The following MAPK8IP3 variants were observed in gnomAD, a reference collection of about 807,000 sequenced individuals.
MAPK8IP3 encodes the protein mitogen-activated protein kinase 8 interacting protein 3.
MAPK8IP3 carries 49 observed loss-of-function variants against 157.8 expected under a neutral mutation model. The ratio of observed to expected loss-of-function variants is 0.31; its 90% CI spans 0.25 to 0.39. MAPK8IP3 has a LOEUF of 0.39. Among genes scored for constraint, MAPK8IP3 ranks in the 10% least tolerant of loss-of-function variants. The pLI is 1.00. For missense variants in MAPK8IP3, 1,478 were observed against 1,889.4 expected (o/e 0.78, Z 4.04); for synonymous variants, 897 against 777.7 (o/e 1.15, Z -2.55).
At position 1,764,345 on chromosome 16, in the gene MAPK8IP3, T is replaced by C; in HGVS notation, c.2166T>C (p.Asn722=). 3.8e-6 allele frequency: 6 copies of C among 1,579,084 alleles called. No homozygotes were observed. The highest frequency in any genetic ancestry group is 5.2e-6 in the Non-Finnish European group (6 of 1,163,714). Residue 722 remains asparagine, a synonymous_variant, in exon 19 of 32, where the codon AAT becomes AAC. Coordinates refer to ENST00000610761, the MANE Select transcript of MAPK8IP3 (RefSeq NM_001318852.2). ...TCAACCTGAGCGGGTGGAGGCCCAA[T>C]GAGGACGACGCTGGGAATGGAGTCA... ...AGVNLSGWRP[N]EDDAGNGVKP...
chr16:1,745,084 G>A, intron 5 of MAPK8IP3: 1 of 985,454 alleles, frequency 1.0e-6, no homozygotes. Flanking sequence ...TGTTTAGGAG[G>A]TTGAGAGGTT....
chr16:1,766,658 GC>G lies in MAPK8IP3; in HGVS notation c.2939+13del. ...GAGCCCAGAACGGCTGGTAGGAAGG[GC>G]CCGGGGCAAGGTGGAGGGAGGGTCC... On this transcript the variant is annotated intron_variant, in intron 23 of 31. Coordinates refer to ENST00000610761, the MANE Select transcript of MAPK8IP3 (RefSeq NM_001318852.2). 6.2e-7 allele frequency: 1 copy of G among 1,612,436 alleles called. No individual in the cohort carries two copies. The highest frequency in any genetic ancestry group is 1.1e-5 in the South Asian group (1 of 91,070).
intron 4 of MAPK8IP3, among the ~76,000 whole-genome samples, chr16:1,739,188 G>C (rs1163255131): frequency 6.7e-5 from 8 of 119,238 alleles, no homozygotes; most frequent in South Asian, 3.2e-4. Flanking sequence ...GTGAGCATCC[G>C]TGTGACCGTC....
chr16:1,752,788 T>G (rs547962402), intron 8 of MAPK8IP3, among the ~76,000 whole-genome samples: 28 of 149,334 alleles, frequency 1.9e-4, no homozygotes, highest in Admixed American at 3.3e-4. Flanking sequence ...AAAGAAAAAG[T>G]CAGGCAGTCC....
At chr16:1,740,758 C>T (rs1254098528) in intron 4 of MAPK8IP3, among the ~76,000 whole-genome samples, 2 of 152,220 alleles carry the variant, frequency 1.3e-5, no homozygotes, top group African/African-American at 2.4e-5. Context: ...TGCTGGGGGA[C>T]GACCAGCAGG....
Position 1,729,593 on chromosome 16 carries a change from G to A in MAPK8IP3, c.602+15G>A, listed in dbSNP as rs1405734235. The A allele has an allele frequency of 1.9e-6, 3 of 1,579,752 alleles. No homozygotes were observed. The African/African-American group carries it at 4.0e-5, about 21-fold the overall frequency. ...CCGGGGCGGAGGTACGCGGGGCGCG[G>A]CGGGGTGGAGGTACGCGGGGCGCGG... On this transcript the variant is annotated intron_variant, in intron 4 of 31. Coordinates refer to ENST00000610761, the MANE Select transcript of MAPK8IP3 (RefSeq NM_001318852.2).
chr16:1,716,932 G>A (rs924131933), intron 1 of MAPK8IP3, among the ~76,000 whole-genome samples: 27 of 152,098 alleles, frequency 1.8e-4, no homozygotes, highest in East Asian at 9.7e-4. Flanking sequence ...GGTGGTGGGC[G>A]CCTGTGATCC....
chr16:1,725,092 T>TG (rs1208858896), intron 2 of MAPK8IP3, among the ~76,000 whole-genome samples: 1 of 151,796 alleles, frequency 6.6e-6, no homozygotes, highest in Non-Finnish European at 1.5e-5. Flanking sequence ...AGCGCCTAGG[T>TG]GGGGGGCACA....
intron 4 of MAPK8IP3, among the ~76,000 whole-genome samples, chr16:1,738,767 CCGTGTGAG>C (rs1237513884): frequency 2.6e-5 from 3 of 113,356 alleles, no homozygotes; most frequent in Non-Finnish European, 5.2e-5. Flanking sequence ...GTGTGAGCGT[CCGTGTGAG>C]CGTGTGAGCG....
At chr16:1,748,877 C>T (rs771294864) in intron 8 of MAPK8IP3, 157 bp downstream of exon 8, 24 of 769,172 alleles carry the variant, frequency 3.1e-5, no homozygotes, top group South Asian at 1.5e-4. Context: ...ATGGAATTGT[C>T]CCTCCATCTC....
intron 8 of MAPK8IP3, among the ~76,000 whole-genome samples, chr16:1,756,621 A>AAAAC (rs2041612477): frequency 8.8e-6 from 1 of 114,152 alleles, no homozygotes; most frequent in Non-Finnish European, 1.8e-5. Flanking sequence ...CATTTTTACT[A>AAAAC]AAACACACAC....
At chr16:1,768,144 T>C in intron 29 of MAPK8IP3, 37 bp downstream of exon 29, 1 of 1,612,052 alleles carries the variant, frequency 6.2e-7, no homozygotes, top group South Asian at 1.1e-5. Flanking sequence ...CACGGGAGCC[T>C]CTCCCACTCT....
rs1596824872 is a variant in MAPK8IP3 at position 1,768,956 on chromosome 16, C to T, written c.*132C>T. On this transcript the variant is annotated 3_prime_UTR_variant, in exon 32 of 32. Transcript: ENST00000610761. The stretch of plus-strand genomic sequence containing the variant: ...CTCAACCTGCAGCTTTCACCTGAGT[C>T]TGGCCCCTCCAGCGGGCAGGGAGTG... 9.3e-7 allele frequency: 1 copy of T among 1,069,872 alleles called. No homozygotes were observed. Among genetic ancestry groups the T allele is most frequent in the East Asian group, 2.6e-5 (1 of 38,920 alleles). 66.3% of individuals were successfully genotyped at this position (1,069,872 alleles called of 1,614,324 possible).
At chr16:1,760,655 A>G (rs751827391) in intron 12 of MAPK8IP3, 123 bp downstream of exon 12, 98 of 1,239,882 alleles carry the variant, frequency 7.9e-5, no homozygotes, top group Non-Finnish European at 1.0e-4. Flanking sequence ...ACCTACCTCC[A>G]GCTCCAGCTC....
At position 1,732,133 on chromosome 16, in the gene MAPK8IP3, G is replaced by A. The variant is rs186705028; in HGVS notation, c.602+2555G>A. ...GGACCGGCCATGGGAGACCAGAGAC[G>A]CGACCTGGGCTGGGGAGGTTGGCGC... On this transcript the variant is annotated intron_variant, in intron 4 of 31. Transcript: ENST00000610761. 3.4e-4 allele frequency among the ~76,000 whole-genome samples: 52 copies of A among 152,330 alleles called. 1 individual carries two copies. Among genetic ancestry groups the A allele is most frequent in the Admixed American group, 3.3e-3 (50 of 15,292 alleles).
rs1190190318 is a variant in MAPK8IP3 at position 1,706,357 on chromosome 16, G to T, written c.18G>T (p.Met6Ile). 1 of 1,596,044 alleles carries T rather than the reference G, an allele frequency of 6.3e-7. No individual in the cohort carries two copies. Among genetic ancestry groups the T allele is most frequent in the East Asian group, 2.3e-5 (1 of 43,834 alleles). Reference protein sequence around the residue: MMEIQMDEGGGVVVYQ... With the variant: MMEIQIDEGGGVVVYQ... ...TGGCCGCGATGATGGAGATCCAGAT[G>T]GACGAGGGCGGCGGCGTGGTGGTGT... The change falls in exon 1 of 32, where the codon ATG becomes ATT. Residue 6 changes from methionine (M) to isoleucine (I), a missense_variant. Met to Ile is a conservative substitution (Grantham distance 10, BLOSUM62 1). Transcript: ENST00000610761. This position sits in a 1 kb window ranked among gnomAD's most constrained non-coding sequence, Gnocchi z 5.1.
At chr16:1,767,541 G>A in intron 26 of MAPK8IP3, 23 bp from the exon 27 acceptor site, 2 of 1,605,836 alleles carry the variant, frequency 1.2e-6, no homozygotes, top group South Asian at 1.1e-5. Context: ...CAGCCCTGTT[G>A]ATGGGCAGCC....
rs553235324 is a variant in MAPK8IP3, at chr16:1,706,940, C to T, written c.318+283C>T. 6.2e-4 allele frequency among the ~76,000 whole-genome samples: 94 copies of T among 150,956 alleles called. No homozygotes were observed. The highest frequency in any genetic ancestry group is 1.1e-3 in the Admixed American group (17 of 15,208). ...CGGGGACCCCCTTTTCCGCCCAGGC[C>T]TGGGCCCTGGCCCCCTCCTCCGTGC... is the stretch of plus-strand genomic sequence containing the variant. On this transcript the variant is annotated intron_variant, in intron 1 of 31. Coordinates refer to ENST00000610761, the MANE Select transcript of MAPK8IP3 (RefSeq NM_001318852.2). This position sits in a 1 kb window ranked among gnomAD's most constrained non-coding sequence, Gnocchi z 5.1.
chr16:1,716,916 G>A (rs552883202), intron 1 of MAPK8IP3, among the ~76,000 whole-genome samples: 9 of 152,048 alleles, frequency 5.9e-5, no homozygotes, highest in African/African-American at 1.4e-4. Flanking sequence ...AAAATTAGCC[G>A]CGTGTGGTGG....
Sources: allele counts gnomAD v4.1 joint callset (sites outside exome capture counted in the v4.1 genomes callset), GRCh38; gene constraint gnomAD v4.1.1; non-coding constraint Gnocchi (gnomAD v3.1); transcripts MANE v1.5; gene names NCBI Gene and HGNC (gene_info 2026-07-23, HGNC 2026-07-21).